GRIK1: variants seen among roughly 807,000 people sequenced by gnomAD.
GRIK1 encodes glutamate ionotropic receptor kainate type subunit 1, also known as glutamate receptor ionotropic, kainate 1.
Under a neutral mutation model 105.7 loss-of-function variants are expected in GRIK1, and 69 were observed. The observed-to-expected ratio is 0.65, with a 90% confidence interval of 0.54 to 0.80. The LOEUF is 0.80. Among genes scored for constraint, GRIK1 ranks in the 30% least tolerant of loss-of-function variants. The pLI, the probability that GRIK1 is intolerant of heterozygous loss-of-function variation, is 0.00. For synonymous variants in GRIK1, 438 were observed against 431.3 expected (o/e 1.02, Z -0.19); for missense variants, 1,109 against 1,167.3 (o/e 0.95, Z 0.73).
intron 1 of GRIK1, among the ~76,000 whole-genome samples, chr21:29,897,385 G>A (rs1240719902): frequency 2.0e-5 from 3 of 152,172 alleles, no homozygotes; most frequent in African/African-American, 7.2e-5. Context: ...TGAAAAGCAT[G>A]GCAGAGAATT....
intron 7 of GRIK1, among the ~76,000 whole-genome samples, chr21:29,611,152 C>G (rs1223085135): frequency 6.6e-6 from 1 of 152,148 alleles, no homozygotes; most frequent in East Asian, 1.9e-4. Flanking sequence ...CAGGTCCACC[C>G]AAGGATGATT....
intron 1 of GRIK1, among the ~76,000 whole-genome samples, chr21:29,733,123 G>T (rs974904240): frequency 2.6e-5 from 4 of 152,048 alleles, no homozygotes; most frequent in African/African-American, 9.7e-5. Flanking sequence ...ACTACTAAAT[G>T]AATATCTGCC....
chr21:29,833,594 T>C (rs1203882268), intron 1 of GRIK1, among the ~76,000 whole-genome samples: 4 of 152,058 alleles, frequency 2.6e-5, no homozygotes, highest in Non-Finnish European at 5.9e-5. Flanking sequence ...GGAGGGTAGG[T>C]GCTACACATT....
rs1011829373 is a variant in GRIK1 at position 29,939,325 on chromosome 21, C to T, written c.118+58G>A. ...CTGCCTCGCCCGGGACCCGCTACAC[C>T]CGCGTTGGTGCGGCGACCGACCACG... is the stretch of plus-strand genomic sequence containing the variant. On this transcript the variant is annotated intron_variant, in intron 1 of 17. Transcript: ENST00000327783. 3.8e-6 allele frequency: 4 copies of T among 1,042,906 alleles called. No individual in the cohort carries two copies. In the African/African-American group the frequency reaches 4.8e-5, roughly 12 times the overall value. 64.6% of individuals were successfully genotyped at this position (1,042,906 alleles called of 1,614,324 possible).
In GRIK1 at chr21:29,614,831, G is replaced by A. The variant is rs1281787861; in HGVS notation, c.1099-15894C>T. Among the ~76,000 whole-genome samples the A allele has an allele frequency of 2.0e-5, 3 of 151,572 alleles. No homozygotes were observed. The East Asian group carries it at 5.8e-4, about 29-fold the overall frequency. On this transcript the variant is annotated intron_variant, in intron 7 of 17. Transcript: ENST00000327783. The stretch of plus-strand genomic sequence containing the variant: ...AACTTTGTGTTCCAACTATGTAGAT[G>A]CTTCCCCAGACTTTGTGCACATAAT...
chr21:29,569,621 G>T (rs928328730), intron 14 of GRIK1, among the ~76,000 whole-genome samples: 18 of 152,260 alleles, frequency 1.2e-4, no homozygotes, highest in Admixed American at 8.5e-4. Context: ...ATCCTCCTTG[G>T]ATGATGGTTC....
chr21:29,651,175 C>T lies in GRIK1; in HGVS notation c.897G>A (p.Met299Ile). The change falls in exon 6 of 18, where the codon ATG (methionine) becomes ATA (isoleucine). Residue 299 changes from methionine to isoleucine, a missense_variant. Transcript: ENST00000327783. ...HVSSIIEKWSMERLQAPPRPE... is the reference protein window; with the variant it reads ...HVSSIIEKWSIERLQAPPRPE... ...GCCTGGGTGGGGCCTGCAGTCTCTC[C>T]ATGGACCACTTCTCAATGATGGATG... 6.2e-7 allele frequency: 1 copy of T among 1,614,032 alleles called. No individual in the cohort carries two copies. Among genetic ancestry groups the T allele is most frequent in the Non-Finnish European group, 8.5e-7 (1 of 1,179,884 alleles).
intron 1 of GRIK1, among the ~76,000 whole-genome samples, chr21:29,767,313 G>A (rs1318886106): frequency 1.3e-5 from 2 of 152,120 alleles, no homozygotes; most frequent in Non-Finnish European, 2.9e-5. Context: ...GTAGTAAACA[G>A]AATTATTATC....
At chr21:29,865,101 T>C (rs1053055722) in intron 1 of GRIK1, among the ~76,000 whole-genome samples, 2 of 152,354 alleles carry the variant, frequency 1.3e-5, no homozygotes, top group Non-Finnish European at 2.9e-5. Context: ...GGTTACTGTA[T>C]ACAGGACTTT....
chr21:29,692,717 A>G lies in GRIK1; in HGVS notation c.286+1179T>C, dbSNP rs189495059. ...GCCTGTGGTAGCTGGGACCACAGGC[A>G]CCTGCCACCATGCCCGGCTACTTTT... On this transcript the variant is annotated intron_variant, in intron 2 of 17. Coordinates refer to ENST00000327783, the MANE Select transcript of GRIK1 (RefSeq NM_001330994.2). Among the ~76,000 whole-genome samples the G allele has an allele frequency of 6.5e-3, 991 of 152,156 alleles. 13 individuals carry two copies. The highest frequency in any genetic ancestry group is 0.023 in the African/African-American group (945 of 41,536).
At chr21:29,888,204 T>TTTCTTTCTTCCTTCCTTC (rs1555905587) in intron 1 of GRIK1, among the ~76,000 whole-genome samples, 1 of 55,930 alleles carries the variant, frequency 1.8e-5, no homozygotes, top group Non-Finnish European at 4.9e-5. Context: ...TTTCTCTCTC[T>TTTCTTTCTTCCTTCCTTC]CTCTCTCTCT....
intron 14 of GRIK1, among the ~76,000 whole-genome samples, chr21:29,567,546 T>G (rs182241899): frequency 1.1e-4 from 16 of 152,290 alleles, no homozygotes; most frequent in Admixed American, 8.5e-4. Flanking sequence ...ATATTTGATC[T>G]TTTTATCTTA....
At chr21:29,848,772 T>TAC in intron 1 of GRIK1, among the ~76,000 whole-genome samples, 1 of 101,642 alleles carries the variant, frequency 9.8e-6, no homozygotes, top group South Asian at 3.3e-4. Context: ...TATATATATA[T>TAC]ATATATATTT....
chr21:29,707,626 G>A (rs2063949707), intron 1 of GRIK1, among the ~76,000 whole-genome samples: 1 of 151,928 alleles, frequency 6.6e-6, no homozygotes, highest in Non-Finnish European at 1.5e-5. Flanking sequence ...CTCCCGAGTA[G>A]TTGGGCCTAC....
In GRIK1 at chr21:29,546,302, C is replaced by T. The variant is rs543873168; in HGVS notation, c.2608-8418G>A. Among the ~76,000 whole-genome samples the T allele has an allele frequency of 1.7e-3, 254 of 152,314 alleles. 1 individual carries two copies. The highest frequency in any genetic ancestry group is 2.9e-3 in the Admixed American group (45 of 15,296). ...CTGCATTCTCTGAGATTGAGGAAGA[C>T]ACTATGTATGAAACATTCCATAGCT... On this transcript the variant is annotated intron_variant, in intron 16 of 17. Coordinates refer to ENST00000327783, the MANE Select transcript of GRIK1 (RefSeq NM_001330994.2).
At chr21:29,630,992 G>C (rs1158744028) in intron 7 of GRIK1, among the ~76,000 whole-genome samples, 1 of 151,842 alleles carries the variant, frequency 6.6e-6, no homozygotes, top group Non-Finnish European at 1.5e-5. Flanking sequence ...ATTTTTTGTA[G>C]AGAGGGGGTT....
At chr21:29,585,929 A>G (rs1298847813) in intron 12 of GRIK1, among the ~76,000 whole-genome samples, 1 of 152,164 alleles carries the variant, frequency 6.6e-6, no homozygotes, top group African/African-American at 2.4e-5. Flanking sequence ...TTTGGGGGGT[A>G]CCTGTCCTGT....
intron 14 of GRIK1, among the ~76,000 whole-genome samples, chr21:29,576,509 T>C (rs2090897861): frequency 6.6e-6 from 1 of 152,232 alleles, no homozygotes; most frequent in Non-Finnish European, 1.5e-5. Flanking sequence ...ACACGTTTTC[T>C]TGTCATCTGT....
chr21:29,646,833 C>T (rs1365098065), intron 6 of GRIK1, among the ~76,000 whole-genome samples: 2 of 151,516 alleles, frequency 1.3e-5, no homozygotes, highest in African/African-American at 4.9e-5. Flanking sequence ...TTCAGAATAT[C>T]TCTTGTTCTT....
Sources: gnomAD v4.1 joint callset for allele counts (sites outside exome capture counted in the v4.1 genomes callset) on GRCh38, gnomAD v4.1.1 for gene constraint, MANE v1.5 for transcripts, NCBI Gene and HGNC (gene_info 2026-07-23, HGNC 2026-07-21) for gene names.